SLC22A15: variants seen among roughly 807,000 people sequenced by gnomAD.
The protein encoded by SLC22A15 is flipt 1.
SLC22A15 carries 45 observed loss-of-function variants against 62.7 expected under a neutral mutation model. That is an observed-to-expected ratio of 0.72 (90% CI 0.56 to 0.92). SLC22A15 has a LOEUF of 0.92. SLC22A15 is among the 40% of genes least tolerant of loss of function. The pLI, the probability that SLC22A15 is intolerant of heterozygous loss-of-function variation, is 0.00. For synonymous variants in SLC22A15, 264 were observed against 267.0 expected, an observed-to-expected ratio of 0.99 and a Z score of 0.11; for missense variants, 622 against 665.6, an observed-to-expected ratio of 0.93 and a Z score of 0.72.
intron 1 of SLC22A15, among the ~76,000 whole-genome samples, chr1:115,982,647 C>A (rs1436482734): frequency 1.3e-5 from 2 of 152,170 alleles, no homozygotes; most frequent in Non-Finnish European, 2.9e-5. Flanking sequence ...TTCTTCTGTT[C>A]TGACCTTTAC....
chr1:116,053,756 T>C (rs915907176), intron 8 of SLC22A15, among the ~76,000 whole-genome samples: 2 of 152,064 alleles, frequency 1.3e-5, no homozygotes, highest in Middle Eastern at 3.2e-3. Flanking sequence ...TATTCAACAT[T>C]CTTAAAGAAA....
chr1:116,015,350 T>A (rs148321744), intron 2 of SLC22A15: 68 of 152,304 alleles, frequency 4.5e-4, no homozygotes, highest in African/African-American at 1.6e-3. Context: ...CAACTAGCAT[T>A]GACATGAAGA....
chr1:115,977,112 C>T (rs548574374), intron 1 of SLC22A15, among the ~76,000 whole-genome samples: 18 of 152,226 alleles, frequency 1.2e-4, no homozygotes, highest in Non-Finnish European at 2.2e-4. Flanking sequence ...GCACTGTCAC[C>T]TTGGAATCTA....
At chr1:116,016,560 C>T (rs1313378217) in intron 2 of SLC22A15, among the ~76,000 whole-genome samples, 2 of 152,176 alleles carry the variant, frequency 1.3e-5, no homozygotes, top group African/African-American at 2.4e-5. Context: ...ATAACCTCTC[C>T]CATGAGCTTG....
chr1:116,041,520 A>G (rs1435366026), intron 8 of SLC22A15, among the ~76,000 whole-genome samples: 1 of 152,218 alleles, frequency 6.6e-6, no homozygotes, highest in Non-Finnish European at 1.5e-5. Flanking sequence ...TGCATAGGAC[A>G]GGCAATGATC....
At chr1:116,012,534 C>A (rs191244992) in intron 2 of SLC22A15, among the ~76,000 whole-genome samples, 1 of 152,220 alleles carries the variant, frequency 6.6e-6, no homozygotes. Flanking sequence ...CTGGAGATGG[C>A]TTGTTTGTGT....
Position 116,031,468 on chromosome 1 carries a change from C to T in SLC22A15, c.831C>T (p.Cys277=). 5.6e-6 allele frequency: 9 copies of T among 1,613,996 alleles called. No homozygotes were observed. The highest frequency in any genetic ancestry group is 7.6e-6 in the Non-Finnish European group (9 of 1,179,884). Residue 277 remains cysteine, a synonymous_variant, in exon 6 of 12, where the codon TGC becomes TGT. Coordinates refer to ENST00000369503, the MANE Select transcript of SLC22A15 (RefSeq NM_018420.3). ...LIAKRNRKLK[C]TFSLTHPANR... ...CCAAGAGGAACCGCAAACTCAAGTG[C>T]ACGTTCTCACTAACACACCCAGCCA...
chr1:116,027,975 C>T (rs1432677297), intron 5 of SLC22A15, among the ~76,000 whole-genome samples: 2 of 152,158 alleles, frequency 1.3e-5, no homozygotes, highest in Non-Finnish European at 1.5e-5. Flanking sequence ...GATATCAGAT[C>T]TCTGATGGTA....
chr1:116,007,050 G>A lies in SLC22A15; in HGVS notation c.301-12532G>A, dbSNP rs552897599. 7.2e-5 allele frequency among the ~76,000 whole-genome samples: 11 copies of A among 152,166 alleles called. No homozygotes were observed. The East Asian group carries it at 1.5e-3, about 21-fold the overall frequency. ...TGATTATAGTTATTGATAATTATACGTTTCTAAATACTTGGTACTTTCTTC... is the reference window on the plus strand; with the variant it reads ...TGATTATAGTTATTGATAATTATACATTTCTAAATACTTGGTACTTTCTTC... On this transcript the variant is annotated intron_variant, in intron 2 of 11. Transcript: ENST00000369503.
At chr1:115,982,667 G>A (rs1159132134) in intron 1 of SLC22A15, among the ~76,000 whole-genome samples, 1 of 152,162 alleles carries the variant, frequency 6.6e-6, no homozygotes, top group Non-Finnish European at 1.5e-5. Context: ...CTTCTTGCCA[G>A]TTGATTGTTT....
intron 4 of SLC22A15, among the ~76,000 whole-genome samples, chr1:116,023,329 T>C (rs1656932301): frequency 6.6e-6 from 1 of 152,116 alleles, no homozygotes; most frequent in East Asian, 1.9e-4. Context: ...CTGTGAAAAA[T>C]TCCATATTAA....
At chr1:115,995,243 C>T (rs1557875756) in intron 2 of SLC22A15, among the ~76,000 whole-genome samples, 2 of 152,142 alleles carry the variant, frequency 1.3e-5, no homozygotes, top group African/African-American at 2.4e-5. Context: ...CTGTCCCTGT[C>T]AGTTACTATC....
rs373983005 is a variant in SLC22A15 at position 116,062,652 on chromosome 1, T to C, written c.1172-110T>C. 30 of 1,253,172 alleles carry C rather than the reference T, an allele frequency of 2.4e-5. No individual in the cohort carries two copies. The African/African-American group carries it at 3.8e-4, about 16-fold the overall frequency. The allele number at this position is 1,253,172 out of a possible 1,614,324, so 77.6% of individuals were successfully genotyped here. ...TGTGTATTTGGTTACACTATCTCTTTGCTCTTTGAGATCAACATGAATGCC... is the reference window on the plus strand; with the variant it reads ...TGTGTATTTGGTTACACTATCTCTTCGCTCTTTGAGATCAACATGAATGCC... On this transcript the variant is annotated intron_variant, in intron 8 of 11. Coordinates refer to ENST00000369503, the MANE Select transcript of SLC22A15 (RefSeq NM_018420.3).
intron 2 of SLC22A15, among the ~76,000 whole-genome samples, chr1:116,018,186 CG>C (rs1397492754): frequency 1.3e-5 from 2 of 152,050 alleles, no homozygotes; most frequent in African/African-American, 4.8e-5. Context: ...CTCCTTCTGG[CG>C]CCTGGTAACC....
chr1:116,017,894 T>G (rs1026004219), intron 2 of SLC22A15, among the ~76,000 whole-genome samples: 2 of 152,216 alleles, frequency 1.3e-5, no homozygotes, highest in Non-Finnish European at 2.9e-5. Context: ...CTTTAACACA[T>G]CACTAGACAA....
chr1:116,028,859 G>A (rs993287681), intron 5 of SLC22A15, among the ~76,000 whole-genome samples: 6 of 152,106 alleles, frequency 3.9e-5, no homozygotes, highest in African/African-American at 1.4e-4. Context: ...TATTTGATAA[G>A]TACACCACTG....
intron 2 of SLC22A15, among the ~76,000 whole-genome samples, chr1:115,996,119 A>G (rs1008185509): frequency 1.3e-5 from 2 of 152,166 alleles, no homozygotes; most frequent in African/African-American, 4.8e-5. Context: ...CTTTCATTTT[A>G]AGGATGTTGT....
At chr1:116,022,259 G>C (rs755071478) in intron 4 of SLC22A15, among the ~76,000 whole-genome samples, 2 of 152,112 alleles carry the variant, frequency 1.3e-5, no homozygotes, top group Non-Finnish European at 2.9e-5. Flanking sequence ...GAGTGAAAAA[G>C]CTTCCTCTGA....
At chr1:115,997,575 A>G (rs1436443534) in intron 2 of SLC22A15, among the ~76,000 whole-genome samples, 1 of 151,838 alleles carries the variant, frequency 6.6e-6, no homozygotes, top group Non-Finnish European at 1.5e-5. Flanking sequence ...TGTAAATGGG[A>G]TTACTTTCTT....
Sources: gnomAD v4.1 joint callset for allele counts (sites outside exome capture counted in the v4.1 genomes callset) on GRCh38, gnomAD v4.1.1 for gene constraint, MANE v1.5 for transcripts, NCBI Gene and HGNC (gene_info 2026-07-23, HGNC 2026-07-21) for gene names.